Variants in CUX1 observed in about 807,000 individuals in gnomAD.
CUX1 encodes cut like homeobox 1.
CUX1 carries 31 observed loss-of-function variants against 158.8 expected under a neutral mutation model. That is an observed-to-expected ratio of 0.20 (90% CI 0.15 to 0.26). The LOEUF (loss-of-function observed/expected upper bound fraction) is 0.26, where lower values mean the gene tolerates loss of function less well. CUX1 is among the 10% of genes least tolerant of loss of function. The pLI is 1.00. For synonymous variants in CUX1, 879 were observed against 862.1 expected (o/e 1.02, Z -0.34); for missense variants, 1,589 against 2,014.6 (o/e 0.79, Z 4.04).
intron 1 of CUX1, among the ~76,000 whole-genome samples, chr7:101,907,964 A>G (rs1370576626): frequency 1.3e-5 from 2 of 152,172 alleles, no homozygotes; most frequent in Non-Finnish European, 2.9e-5. Flanking sequence ...ATTAAAGAAA[A>G]AAAAAACCAT....
At chr7:102,039,253 A>G (rs768152698) in intron 3 of CUX1, among the ~76,000 whole-genome samples, 4 of 152,170 alleles carry the variant, frequency 2.6e-5, no homozygotes, top group African/African-American at 4.8e-5. Flanking sequence ...TCCAAGTCAC[A>G]CAGGTCATAA....
At chr7:101,840,334 T>C (rs1287338689) in intron 1 of CUX1, among the ~76,000 whole-genome samples, 1 of 152,192 alleles carries the variant, frequency 6.6e-6, no homozygotes, top group Non-Finnish European at 1.5e-5. Context: ...AGGCTGCCCT[T>C]TTCTTTCTCT....
At chr7:102,046,206 A>G (rs1471008108) in intron 3 of CUX1, among the ~76,000 whole-genome samples, 1 of 152,118 alleles carries the variant, frequency 6.6e-6, no homozygotes, top group East Asian at 1.9e-4. Context: ...CAGAGCTGGC[A>G]CCCCGGGAAA....
intron 2 of CUX1, among the ~76,000 whole-genome samples, chr7:101,980,967 C>T (rs1293237416): frequency 6.6e-6 from 1 of 152,128 alleles, no homozygotes; most frequent in Non-Finnish European, 1.5e-5. Flanking sequence ...TCACATGCTG[C>T]GTCTTTGGAA....
intron 2 of CUX1, among the ~76,000 whole-genome samples, chr7:101,936,746 G>T (rs1050545751): frequency 1.3e-5 from 2 of 152,166 alleles, no homozygotes; most frequent in African/African-American, 4.8e-5. Context: ...TCCTCGCTTT[G>T]GGGTTTTGCT....
chr7:102,254,533 G>A lies in CUX1; in HGVS notation c.*5491G>A, dbSNP rs200253961. The A allele has an allele frequency of 2.8e-5, 28 of 985,552 alleles. No homozygotes were observed. In the East Asian group the frequency reaches 3.2e-3, roughly 112 times the overall value. The allele number at this position is 985,552 out of a possible 1,614,324, so 61.1% of individuals were successfully genotyped here. A position where few individuals can be genotyped will look rare whatever the true frequency, so the allele number is the denominator to read the frequency against. On this transcript the variant is annotated 3_prime_UTR_variant, in exon 24 of 24. Transcript: ENST00000292535. Reference sequence around the variant, plus strand: ...AAGAAAATCAGCTCCTGGGGCTGGTGGTTGGAGGTGGGTCTGTCCACTGTG... The same window carrying A: ...AAGAAAATCAGCTCCTGGGGCTGGTAGTTGGAGGTGGGTCTGTCCACTGTG...
chr7:102,227,594 GTAGC>G lies in CUX1; in HGVS notation c.3359_3362del (p.Val1120AlafsTer11). 6.2e-7 allele frequency: 1 copy of G among 1,614,136 alleles called. No homozygotes were observed. The highest frequency in any genetic ancestry group is 8.5e-7 in the Non-Finnish European group (1 of 1,180,036). On this transcript the variant is annotated frameshift_variant, in exon 21 of 24. Transcript: ENST00000292535. LOFTEE classifies it high-confidence loss of function. ...CTCGGCCCTCAGCATCCAAGAATTAGTAGCCATGTCCCCGGAGCTGGACACCTAC... is the reference window on the plus strand; with the variant it reads ...CTCGGCCCTCAGCATCCAAGAATTAGCATGTCCCCGGAGCTGGACACCTAC...
chr7:102,164,871 G>C (rs1176866239), intron 9 of CUX1, among the ~76,000 whole-genome samples: 1 of 152,106 alleles, frequency 6.6e-6, no homozygotes, highest in Non-Finnish European at 1.5e-5. Flanking sequence ...CATGCAAGCA[G>C]AGAACAAGAG....
At position 102,254,795 on chromosome 7, in the gene CUX1, A is replaced by G; in HGVS notation, c.*5753A>G. ...GGCCAGTGTGATGTGGTTGGATCTC[A>G]GCGTGTACTGAATGCCAGTCTGGCC... On this transcript the variant is annotated 3_prime_UTR_variant, in exon 24 of 24. Coordinates refer to ENST00000292535, the MANE Select transcript of CUX1 (RefSeq NM_181552.4). 1 of 985,450 alleles carries G rather than the reference A, an allele frequency of 1.0e-6. No homozygotes were observed. The highest frequency in any genetic ancestry group is 1.2e-6 in the Non-Finnish European group (1 of 829,928). 61.0% of individuals were successfully genotyped at this position (985,450 alleles called of 1,614,324 possible).
chr7:101,893,360 G>A (rs1415765199), intron 1 of CUX1, among the ~76,000 whole-genome samples: 5 of 151,306 alleles, frequency 3.3e-5, no homozygotes, highest in Admixed American at 2.0e-4. Flanking sequence ...TTCTACTTTC[G>A]ACAGGATTCC....
rs369069956 is a variant in CUX1 at position 101,869,821 on chromosome 7, G to A, written c.31-46294G>A. On this transcript the variant is annotated intron_variant, in intron 1 of 23. Transcript: ENST00000292535. The surrounding 1 kb of genome is among the most constrained non-coding windows in gnomAD (Gnocchi z 4.5). ...GTAAACCCCGGTTTCAGCTTTCCCC[G>A]TGGCTCCCCTCCGCCAAATCTTAAA... Among the ~76,000 whole-genome samples the A allele has an allele frequency of 2.0e-5, 3 of 152,148 alleles. No individual in the cohort carries two copies. Among genetic ancestry groups the A allele is most frequent in the East Asian group, 3.8e-4 (2 of 5,196 alleles).
chr7:102,006,892 G>A (rs899685523), intron 2 of CUX1, among the ~76,000 whole-genome samples: 2 of 152,240 alleles, frequency 1.3e-5, no homozygotes, highest in Admixed American at 1.3e-4. Context: ...CGCCCACCAC[G>A]GTGCAGGCCG....
At chr7:101,889,945 AAGCTTTTCC>A (rs1420289509) in intron 1 of CUX1, among the ~76,000 whole-genome samples, 1 of 152,096 alleles carries the variant, frequency 6.6e-6, no homozygotes, top group Non-Finnish European at 1.5e-5. Context: ...CTGGATAACT[AAGCTTTTCC>A]ACCTTCACTA....
chr7:102,166,309 G>A (rs1791025011), intron 9 of CUX1, among the ~76,000 whole-genome samples: 1 of 152,202 alleles, frequency 6.6e-6, no homozygotes, highest in African/African-American at 2.4e-5. Context: ...GAAAGAGCAA[G>A]AAAGATCTCC....
intron 2 of CUX1, among the ~76,000 whole-genome samples, chr7:102,017,549 T>C (rs1818772142): frequency 6.6e-6 from 1 of 152,052 alleles, no homozygotes; most frequent in Non-Finnish European, 1.5e-5. Flanking sequence ...TTTGAATAAA[T>C]TAAAATACAA....
At chr7:102,217,235 T>C (rs540693407) in intron 20 of CUX1, among the ~76,000 whole-genome samples, 2 of 152,398 alleles carry the variant, frequency 1.3e-5, no homozygotes, top group African/African-American at 2.4e-5. Context: ...CGAATTGTAA[T>C]TTAAGCAGGG....
At chr7:101,888,152 G>A (rs1417661613) in intron 1 of CUX1, among the ~76,000 whole-genome samples, 1 of 152,026 alleles carries the variant, frequency 6.6e-6, no homozygotes, top group African/African-American at 2.4e-5. Flanking sequence ...CTGCCAACAT[G>A]GCGAAACCCC....
At position 102,240,820 on chromosome 7, in the gene CUX1, TTTG is replaced by T. The variant is rs1209777227; in HGVS notation, c.3887+1251_3887+1253del. 1.2e-4 allele frequency among the ~76,000 whole-genome samples: 19 copies of T among 152,142 alleles called. No homozygotes were observed. In the East Asian group the frequency reaches 1.5e-3, roughly 12 times the overall value. ...GATACCTTATTCTTGTCATTCCTTT[TTTG>T]TTGTTGTTGTTGTTTGAGACGGAGC... On this transcript the variant is annotated intron_variant, in intron 23 of 23. Transcript: ENST00000292535.
chr7:102,027,564 T>C (rs1820193085), intron 2 of CUX1, among the ~76,000 whole-genome samples: 1 of 151,966 alleles, frequency 6.6e-6, no homozygotes, highest in African/African-American at 2.4e-5. Flanking sequence ...TTAGTAGAAA[T>C]AAAACATCGT....
Sources: allele counts gnomAD v4.1 joint callset (sites outside exome capture counted in the v4.1 genomes callset), GRCh38; gene constraint gnomAD v4.1.1; non-coding constraint Gnocchi (gnomAD v3.1); transcripts MANE v1.5; gene names NCBI Gene and HGNC (gene_info 2026-07-23, HGNC 2026-07-21).